The following ERP27 variants were observed in gnomAD, a reference collection of about 807,000 sequenced individuals.
ERP27 encodes endoplasmic reticulum resident protein 27.
A neutral mutation model predicts 27.7 loss-of-function variants in ERP27; 23 were observed. The observed-to-expected ratio is 0.83, with a 90% CI of 0.60 to 1.18. ERP27 has a LOEUF of 1.18. Among genes scored for constraint, ERP27 ranks in the 50% most tolerant of loss-of-function variants. The probability of loss-of-function intolerance (pLI) is 0.00; values close to 1 mark genes in which losing one functional copy is unlikely to be tolerated. For synonymous variants in ERP27, 159 were observed against 118.3 expected (o/e 1.34, Z -2.23); for missense variants, 363 against 327.9 (o/e 1.11, Z -0.83).
chr12:14,916,172 G>A (rs1863408380), intron 5 of ERP27, among the ~76,000 whole-genome samples: 1 of 151,988 alleles, frequency 6.6e-6, no homozygotes, highest in South Asian at 2.1e-4. Context: ...GAACTTAAAA[G>A]TTAAAAAAAA....
chr12:14,915,752 CT>C, intron 5 of ERP27, 66 bp from the exon 6 acceptor site: 1 of 1,416,710 alleles, frequency 7.1e-7, no homozygotes, highest in Admixed American at 1.8e-5. Flanking sequence ...AAAGAGATAC[CT>C]TGTAATTGTT....
intron 5 of ERP27, among the ~76,000 whole-genome samples, chr12:14,916,664 A>G (rs543135958): frequency 1.8e-4 from 28 of 152,338 alleles, no homozygotes; most frequent in Non-Finnish European, 3.2e-4. Flanking sequence ...AGTTCTCATC[A>G]TTAGAACAGT....
chr12:14,922,588 A>T (rs1436384303), intron 3 of ERP27, among the ~76,000 whole-genome samples: 1 of 152,204 alleles, frequency 6.6e-6, no homozygotes, highest in Non-Finnish European at 1.5e-5. Flanking sequence ...GTGACTGCAC[A>T]TGAAAGAAGG....
rs945662207 is a variant in ERP27 at position 14,915,385 on chromosome 12, A to G, written c.774+104T>C. The G allele has an allele frequency of 3.3e-6, 4 of 1,201,212 alleles. No individual in the cohort carries two copies. In the African/African-American group the frequency reaches 4.5e-5, roughly 14 times the overall value. 74.4% of individuals were successfully genotyped at this position (1,201,212 alleles called of 1,614,324 possible). A position where few individuals can be genotyped will look rare whatever the true frequency, so the allele number is the denominator to read the frequency against. ...CTGCACTTGGTATCCATTAACCAACATTTTGCTCTCCTCCCTCTCTGAGCC... is the reference window on the plus strand; with the variant it reads ...CTGCACTTGGTATCCATTAACCAACGTTTTGCTCTCCTCCCTCTCTGAGCC... On this transcript the variant is annotated intron_variant, in intron 6 of 6. Transcript: ENST00000266397.
At chr12:14,922,338 T>C (rs1410851390) in intron 3 of ERP27, among the ~76,000 whole-genome samples, 1 of 152,236 alleles carries the variant, frequency 6.6e-6, no homozygotes, top group Non-Finnish European at 1.5e-5. Context: ...TTGGTGGATA[T>C]GGTTATGTCT....
chr12:14,916,999 T>G (rs1338962257), intron 5 of ERP27, among the ~76,000 whole-genome samples, 179 bp downstream of exon 5: 1 of 152,232 alleles, frequency 6.6e-6, no homozygotes, highest in Non-Finnish European at 1.5e-5. Flanking sequence ...ATGCCTTTAA[T>G]ATGATAAAAT....
In ERP27 at chr12:14,914,575, TGTGCGTGTGTGTGTGCACGCGTGC is replaced by T; in HGVS notation, c.*136_*159del. 1 of 573,514 alleles carries T rather than the reference TGTGCGTGTGTGTGTGCACGCGTGC, an allele frequency of 1.7e-6. No homozygotes were observed. Among genetic ancestry groups the T allele is most frequent in the Non-Finnish European group, 3.0e-6 (1 of 331,618 alleles). 35.5% of individuals were successfully genotyped at this position (573,514 alleles called of 1,614,324 possible). A position where few individuals can be genotyped will look rare whatever the true frequency, so the allele number is the denominator to read the frequency against. ...ATGAAGCTCTGTGTGTGTGTGTGTGTGTGCGTGTGTGTGTGCACGCGTGCGTGCGTGTGTGCACGTGCGTGTGTG... is the reference window on the plus strand; with the variant it reads ...ATGAAGCTCTGTGTGTGTGTGTGTGTGTGCGTGTGTGCACGTGCGTGTGTG... On this transcript the variant is annotated 3_prime_UTR_variant, in exon 7 of 7. Coordinates refer to ENST00000266397, the MANE Select transcript of ERP27 (RefSeq NM_152321.4).
chr12:14,934,832 G>T, intron 3 of ERP27, 24 bp downstream of exon 3: 1 of 1,613,456 alleles, frequency 6.2e-7, no homozygotes, highest in Non-Finnish European at 8.5e-7. Context: ...CTGGGAGAAA[G>T]CTCAAGCTAC....
chr12:14,929,142 C>A, intron 3 of ERP27: 1 of 1,442,556 alleles, frequency 6.9e-7, no homozygotes, highest in East Asian at 2.5e-5. Context: ...CAAGAATCCC[C>A]CCCTCCCTGT....
chr12:14,916,371 A>T (rs916824967), intron 5 of ERP27, among the ~76,000 whole-genome samples: 1 of 152,188 alleles, frequency 6.6e-6, no homozygotes, highest in Non-Finnish European at 1.5e-5. Context: ...GAGTTTGGGC[A>T]CATTACTCAG....
At position 14,930,098 on chromosome 12, in the gene ERP27, G is replaced by A. The variant is rs191714245; in HGVS notation, c.333+4758C>T. Reference sequence around the variant, plus strand: ...TTAAAACCTAGGTGACGGGTAGATAGGTGCAGCAAACCACCATGGCACACG... The same window carrying A: ...TTAAAACCTAGGTGACGGGTAGATAAGTGCAGCAAACCACCATGGCACACG... On this transcript the variant is annotated intron_variant, in intron 3 of 6. Transcript: ENST00000266397. 9.5e-4 allele frequency among the ~76,000 whole-genome samples: 145 copies of A among 152,088 alleles called. 1 individual carries two copies. The highest frequency in any genetic ancestry group is 5.7e-3 in the Admixed American group (87 of 15,266).
intron 4 of ERP27, 58 bp from the exon 5 acceptor site, chr12:14,917,361 T>C (rs1863427704): frequency 2.5e-6 from 4 of 1,610,114 alleles, no homozygotes; most frequent in Non-Finnish European, 3.4e-6. Context: ...CATTAGTACC[T>C]GGGAAGGAGT....
intron 3 of ERP27, among the ~76,000 whole-genome samples, chr12:14,923,792 T>C (rs974275393): frequency 3.9e-5 from 6 of 152,208 alleles, no homozygotes; most frequent in Non-Finnish European, 5.9e-5. Flanking sequence ...GTATACATTG[T>C]GTAAATAATC....
At chr12:14,936,600 C>T (rs1863777194) in intron 2 of ERP27, among the ~76,000 whole-genome samples, 1 of 152,150 alleles carries the variant, frequency 6.6e-6, no homozygotes, top group African/African-American at 2.4e-5. Context: ...AATGTAATCC[C>T]CATAATCCCC....
intron 3 of ERP27, among the ~76,000 whole-genome samples, chr12:14,933,763 G>A (rs948123009): frequency 1.3e-5 from 2 of 152,110 alleles, no homozygotes; most frequent in African/African-American, 4.8e-5. Context: ...TAGACACCCT[G>A]GCTTTAAGCT....
intron 5 of ERP27, chr12:14,915,930 A>G (rs377625160): frequency 1.3e-4 from 52 of 407,912 alleles, no homozygotes; most frequent in East Asian, 8.7e-4. Flanking sequence ...AGAAAACCAA[A>G]TATCACATGT....
At chr12:14,936,356 G>A (rs1046252653) in intron 2 of ERP27, among the ~76,000 whole-genome samples, 1 of 152,190 alleles carries the variant, frequency 6.6e-6, no homozygotes, top group Non-Finnish European at 1.5e-5. Context: ...GCCCAGGCCT[G>A]CAGGAGGCAG....
chr12:14,919,110 C>T (rs1293290030), intron 4 of ERP27, among the ~76,000 whole-genome samples: 3 of 152,130 alleles, frequency 2.0e-5, no homozygotes, highest in Non-Finnish European at 4.4e-5. Context: ...GGATTTTCTG[C>T]CCAGTTGCTA....
chr12:14,918,723 G>C (rs898864774), intron 4 of ERP27, among the ~76,000 whole-genome samples: 1 of 152,170 alleles, frequency 6.6e-6, no homozygotes, highest in Non-Finnish European at 1.5e-5. Context: ...AGTTTGTAAA[G>C]ATTCTCCAGC....
Sources: gnomAD v4.1 joint callset for allele counts (sites outside exome capture counted in the v4.1 genomes callset) on GRCh38, gnomAD v4.1.1 for gene constraint, MANE v1.5 for transcripts, NCBI Gene and HGNC (gene_info 2026-07-23, HGNC 2026-07-21) for gene names.